CELF4: variants seen among roughly 807,000 people sequenced by gnomAD.
The protein encoded by CELF4 is CUG-BP- and ETR-3-like factor 4.
CELF4 carries 18 observed loss-of-function variants against 59.9 expected under a neutral mutation model. That is an observed-to-expected ratio of 0.30 (90% CI 0.21 to 0.45). The LOEUF (loss-of-function observed/expected upper bound fraction) is 0.45, where lower values mean the gene tolerates loss of function less well. Among genes scored for constraint, CELF4 ranks in the 20% least tolerant of loss-of-function variants. The pLI is 1.00. For synonymous variants in CELF4, 261 were observed against 267.1 expected, an observed-to-expected ratio of 0.98 and a Z score of 0.22; for missense variants, 456 against 689.0, an observed-to-expected ratio of 0.66 and a Z score of 3.79.
At chr18:37,300,479 C>T (rs2095949143) in intron 3 of CELF4, among the ~76,000 whole-genome samples, 1 of 152,164 alleles carries the variant, frequency 6.6e-6, no homozygotes, top group African/African-American at 2.4e-5. Context: ...CCCGCCTCGG[C>T]CTCCCAAAGT....
At chr18:37,555,607 G>C (rs911138249) in intron 1 of CELF4, among the ~76,000 whole-genome samples, 1 of 152,068 alleles carries the variant, frequency 6.6e-6, no homozygotes, top group Middle Eastern at 3.2e-3. Context: ...CATCAACAGC[G>C]ACATGATACA....
intron 1 of CELF4, among the ~76,000 whole-genome samples, chr18:37,491,242 C>T (rs560940023): frequency 1.9e-4 from 29 of 150,228 alleles, no homozygotes; most frequent in East Asian, 5.9e-4. Flanking sequence ...CCCGAGAGGA[C>T]GCCGTGCCCA....
intron 2 of CELF4, among the ~76,000 whole-genome samples, chr18:37,374,387 C>T (rs1374542010): frequency 6.6e-6 from 1 of 152,170 alleles, no homozygotes; most frequent in Admixed American, 6.5e-5. Flanking sequence ...CATCCGGCTC[C>T]GAACTTCCAC....
chr18:37,274,552 G>A, intron 5 of CELF4, 98 bp from the exon 6 acceptor site: 1 of 1,594,192 alleles, frequency 6.3e-7, no homozygotes, highest in Non-Finnish European at 8.5e-7. Context: ...GCTCCTCGGG[G>A]CGCTTTGGAG....
chr18:37,525,290 G>A (rs2099962576), intron 1 of CELF4, among the ~76,000 whole-genome samples: 1 of 152,170 alleles, frequency 6.6e-6, no homozygotes, highest in African/African-American at 2.4e-5. Flanking sequence ...CTTATTTGGG[G>A]TTAATGACTT....
chr18:37,481,052 T>A (rs2099865545), intron 2 of CELF4, among the ~76,000 whole-genome samples: 1 of 152,096 alleles, frequency 6.6e-6, no homozygotes, highest in Non-Finnish European at 1.5e-5. Flanking sequence ...AAGTGACCCA[T>A]CCTGAGTCGC....
intron 1 of CELF4, among the ~76,000 whole-genome samples, chr18:37,546,642 C>G (rs1342493291): frequency 6.6e-6 from 1 of 152,190 alleles, no homozygotes; most frequent in Non-Finnish European, 1.5e-5. Flanking sequence ...CTTTCCAGAA[C>G]AGCGTAGAAA....
At chr18:37,273,441 G>A in intron 6 of CELF4, 5 of 1,175,714 alleles carry the variant, frequency 4.3e-6, no homozygotes, top group South Asian at 6.0e-5. Flanking sequence ...GGCTCTGTGG[G>A]TGCTAGTCAG....
At chr18:37,298,947 C>T (rs1004324531) in intron 3 of CELF4, among the ~76,000 whole-genome samples, 1 of 152,174 alleles carries the variant, frequency 6.6e-6, no homozygotes, top group African/African-American at 2.4e-5. Flanking sequence ...AGTAGGGCAG[C>T]GGTCACCTAG....
chr18:37,403,126 A>G (rs1478124208), intron 2 of CELF4, among the ~76,000 whole-genome samples: 1 of 144,780 alleles, frequency 6.9e-6, no homozygotes, highest in Non-Finnish European at 1.5e-5. Context: ...AGATGGGGCG[A>G]GGAGGGGAGA....
chr18:37,499,590 C>T (rs183151927), intron 1 of CELF4, among the ~76,000 whole-genome samples: 76 of 152,296 alleles, frequency 5.0e-4, no homozygotes, highest in Non-Finnish European at 9.9e-4. Flanking sequence ...ACTTCTCAAG[C>T]GGACCCTGTG....
At chr18:37,301,928 C>T (rs1257881693) in intron 3 of CELF4, among the ~76,000 whole-genome samples, 1 of 152,174 alleles carries the variant, frequency 6.6e-6, no homozygotes, top group East Asian at 1.9e-4. Flanking sequence ...TCCCCTTCCC[C>T]CTGCTCTACT....
At chr18:37,451,001 A>G (rs912635842) in intron 2 of CELF4, among the ~76,000 whole-genome samples, 2 of 152,104 alleles carry the variant, frequency 1.3e-5, no homozygotes, top group Non-Finnish European at 2.9e-5. Flanking sequence ...GCCTTTGTCA[A>G]TGCAAAGCAG....
chr18:37,320,213 G>C (rs918006295), intron 3 of CELF4, among the ~76,000 whole-genome samples: 2 of 152,110 alleles, frequency 1.3e-5, no homozygotes, highest in East Asian at 1.9e-4. Flanking sequence ...GCATGCGCCT[G>C]TAGTCCCAGC....
chr18:37,403,539 G>A (rs763199267), intron 2 of CELF4, among the ~76,000 whole-genome samples: 8 of 152,102 alleles, frequency 5.3e-5, no homozygotes, highest in African/African-American at 1.4e-4. Flanking sequence ...ATGTGACTCC[G>A]TGTGACAGCA....
chr18:37,324,217 T>G (rs929997774), intron 2 of CELF4, among the ~76,000 whole-genome samples: 2 of 152,308 alleles, frequency 1.3e-5, no homozygotes, highest in Middle Eastern at 3.4e-3. Context: ...AGCTTCTGTA[T>G]GGACTGAAGT....
intron 1 of CELF4, among the ~76,000 whole-genome samples, chr18:37,533,760 T>C (rs1418174811): frequency 1.3e-5 from 2 of 152,146 alleles, no homozygotes; most frequent in African/African-American, 4.8e-5. Flanking sequence ...TGCATGTCCC[T>C]CTCCTGGAGA....
intron 2 of CELF4, among the ~76,000 whole-genome samples, chr18:37,377,128 A>G (rs1477555705): frequency 3.9e-5 from 6 of 152,140 alleles, no homozygotes; most frequent in African/African-American, 1.4e-4. Context: ...AGAGAGAAAA[A>G]GGAGATGTGA....
chr18:37,412,814 G>T (rs1298694617), intron 2 of CELF4, among the ~76,000 whole-genome samples: 3 of 152,050 alleles, frequency 2.0e-5, no homozygotes, highest in Non-Finnish European at 4.4e-5. Context: ...ATGGCCTCAG[G>T]GCCACTTTCA....
Sources: allele counts gnomAD v4.1 joint callset (sites outside exome capture counted in the v4.1 genomes callset), GRCh38; gene constraint gnomAD v4.1.1; transcripts MANE v1.5; gene names NCBI Gene and HGNC (gene_info 2026-07-23, HGNC 2026-07-21).